The following SFRP5 variants were observed in gnomAD, a reference collection of about 807,000 sequenced individuals.
The protein encoded by SFRP5 is secreted frizzled related protein 5.
In SFRP5, 22 loss-of-function variants were observed where a neutral mutation model predicts 27.0. That is an observed-to-expected ratio of 0.82 (90% CI 0.58 to 1.17). The LOEUF (loss-of-function observed/expected upper bound fraction) is 1.17, where lower values mean the gene tolerates loss of function less well. Among genes scored for constraint, SFRP5 ranks in the 50% most tolerant of loss-of-function variants. The pLI is 0.00. For synonymous variants in SFRP5, 171 were observed against 195.0 expected (o/e 0.88, Z 1.03); for missense variants, 406 against 436.6 (o/e 0.93, Z 0.63).
rs1196977982 is a variant in SFRP5, at chr10:97,771,539, G to T, written c.295C>A (p.Arg99Ser). 1 of 1,611,032 alleles carries T rather than the reference G, an allele frequency of 6.2e-7. No homozygotes were observed. The highest frequency in any genetic ancestry group is 1.7e-5 in the Admixed American group (1 of 59,926). ...ASSWLPLLAK[R>S]CHSDTQVFLC... The stretch of plus-strand genomic sequence containing the variant: ...AAGACCTGCGTATCCGAGTGGCAGC[G>T]CTTGGCCAGCAGCGGCAGCCAGCTG... Residue 99 changes from arginine (R) to serine (S), a missense_variant, in exon 1 of 3, where the codon CGC becomes AGC. By Grantham distance (110) the Arg-to-Ser change is moderately radical (BLOSUM62 -1). Transcript: ENST00000266066. This position sits in a 1 kb window ranked among gnomAD's most constrained non-coding sequence, Gnocchi z 5.2.
chr10:97,769,819 G>T lies in SFRP5; in HGVS notation c.530-74C>A, dbSNP rs2049505525. The T allele has an allele frequency of 3.9e-6, 4 of 1,016,690 alleles. No individual in the cohort carries two copies. In the African/African-American group the frequency reaches 6.3e-5, roughly 16 times the overall value. 63.0% of individuals were successfully genotyped at this position (1,016,690 alleles called of 1,614,324 possible). On this transcript the variant is annotated intron_variant, in intron 1 of 2. Transcript: ENST00000266066. ...TGGAGTTCCAAGAGCCACTTGGGGT[G>T]CAGGCTTCCTCACTGACCAGCCACT...
At position 97,771,292 on chromosome 10, in the gene SFRP5, G is replaced by A; in HGVS notation, c.529+13C>T. On this transcript the variant is annotated intron_variant, in intron 1 of 2. Coordinates refer to ENST00000266066, the MANE Select transcript of SFRP5 (RefSeq NM_003015.3). The surrounding 1 kb of genome is among the most constrained non-coding windows in gnomAD (Gnocchi z 5.2). ...GCCGTCGGAGCGCGCGGGGACGGCG[G>A]CGGCGGCGCTACCTGGAGGCGCGGT... 1 of 1,523,976 alleles carries A rather than the reference G, an allele frequency of 6.6e-7. No individual in the cohort carries two copies. The highest frequency in any genetic ancestry group is 8.8e-7 in the Non-Finnish European group (1 of 1,136,338). 94.4% of individuals were successfully genotyped at this position (1,523,976 alleles called of 1,614,324 possible).
Position 97,771,188 on chromosome 10 carries a change from G to T in SFRP5, c.529+117C>A. On this transcript the variant is annotated intron_variant, in intron 1 of 2. Coordinates refer to ENST00000266066, the MANE Select transcript of SFRP5 (RefSeq NM_003015.3). This position sits in a 1 kb window ranked among gnomAD's most constrained non-coding sequence, Gnocchi z 5.2. ...GGACGCTGGGCTGAGCTAGGACAGC[G>T]TGTGTGTGTGTGTGTGGGCGGAGGG... is the stretch of plus-strand genomic sequence containing the variant. The T allele has an allele frequency of 3.4e-6, 1 of 291,134 alleles. No homozygotes were observed. Among genetic ancestry groups the T allele is most frequent in the South Asian group, 5.5e-5 (1 of 18,210 alleles). 18.0% of individuals were successfully genotyped at this position (291,134 alleles called of 1,614,324 possible). A position where few individuals can be genotyped will look rare whatever the true frequency, so the allele number is the denominator to read the frequency against.
chr10:97,769,007 C>T (rs1404830539), intron 2 of SFRP5, among the ~76,000 whole-genome samples: 3 of 152,234 alleles, frequency 2.0e-5, no homozygotes, highest in Non-Finnish European at 4.4e-5. Flanking sequence ...AGGCTACCAA[C>T]ATAAAAGACT....
chr10:97,768,086 G>A (rs1253197282), intron 2 of SFRP5, among the ~76,000 whole-genome samples: 2 of 152,104 alleles, frequency 1.3e-5, no homozygotes, highest in African/African-American at 4.8e-5. Flanking sequence ...CAGAAGAGGG[G>A]AATTGAGGGG....
At position 97,771,910 on chromosome 10, in the gene SFRP5, G is replaced by A. The variant is rs1007339664; in HGVS notation, c.-77C>T. The A allele has an allele frequency of 1.0e-6, 1 of 965,174 alleles. No individual in the cohort carries two copies. 59.8% of individuals were successfully genotyped at this position (965,174 alleles called of 1,614,324 possible). On this transcript the variant is annotated 5_prime_UTR_variant, in exon 1 of 3. Coordinates refer to ENST00000266066, the MANE Select transcript of SFRP5 (RefSeq NM_003015.3). The surrounding 1 kb of genome is among the most constrained non-coding windows in gnomAD (Gnocchi z 5.2). ...CGGCGGCCCAGGTGTTCCGGCGTGC[G>A]CCCCCGGCCCTGACTCTACCCAGCC...
At chr10:97,770,988 T>C (rs1377564312) in intron 1 of SFRP5, among the ~76,000 whole-genome samples, 2 of 151,522 alleles carry the variant, frequency 1.3e-5, no homozygotes, top group East Asian at 2.0e-4. Flanking sequence ...CGTCCCAGGA[T>C]TGGGGGGACG....
In SFRP5 at chr10:97,769,146, G is replaced by A. The variant is rs191757273; in HGVS notation, c.607+522C>T. On this transcript the variant is annotated intron_variant, in intron 2 of 2. Coordinates refer to ENST00000266066, the MANE Select transcript of SFRP5 (RefSeq NM_003015.3). ...GACTGCGTGGCCCATGTGTGAGCCA[G>A]GTCCTGACCGGACTTGGCTGGATTG... Among the ~76,000 whole-genome samples, 111 of 152,336 alleles carry A rather than the reference G, an allele frequency of 7.3e-4. 1 individual carries two copies. Among genetic ancestry groups the A allele is most frequent in the Admixed American group, 3.4e-3 (52 of 15,302 alleles).
At chr10:97,768,656 A>G (rs1199252210) in intron 2 of SFRP5, among the ~76,000 whole-genome samples, 2 of 151,960 alleles carry the variant, frequency 1.3e-5, no homozygotes, top group East Asian at 1.9e-4. Context: ...GTGTGGCTGG[A>G]GGCACTGAGA....
In SFRP5 at chr10:97,771,032, G is replaced by T. The variant is rs1189181850; in HGVS notation, c.529+273C>A. Among the ~76,000 whole-genome samples the T allele has an allele frequency of 6.6e-6, 1 of 152,110 alleles. No individual in the cohort carries two copies. Among genetic ancestry groups the T allele is most frequent in the Non-Finnish European group, 1.5e-5 (1 of 68,018 alleles). On this transcript the variant is annotated intron_variant, in intron 1 of 2. Coordinates refer to ENST00000266066, the MANE Select transcript of SFRP5 (RefSeq NM_003015.3). This position sits in a 1 kb window ranked among gnomAD's most constrained non-coding sequence, Gnocchi z 5.2. ...GGATTCTCAGCAGCTTGGTTGGATG[G>T]GTACTGAGAGGGGTGCCAGGGGTTT...
chr10:97,768,512 C>T (rs899258517), intron 2 of SFRP5, among the ~76,000 whole-genome samples: 2 of 152,126 alleles, frequency 1.3e-5, no homozygotes, highest in Non-Finnish European at 2.9e-5. Context: ...GGGTGTGGAG[C>T]TGGGAATAGA....
Position 97,771,695 on chromosome 10 carries a change from A to G in SFRP5, c.139T>C (p.Tyr47His), listed in dbSNP as rs773478832. 3.0e-5 allele frequency: 48 copies of G among 1,598,924 alleles called. No homozygotes were observed. The highest frequency in any genetic ancestry group is 4.0e-5 in the Non-Finnish European group (47 of 1,179,442). ...WQAEPLHGRS[Y>H]SKPPQCLDIP... Reference sequence around the variant, plus strand: ...TCAAGGCACTGCGGCGGCTTGGAGTAGGAGCGGCCGTGCAGCGGCTCGGCC... The same window carrying G: ...TCAAGGCACTGCGGCGGCTTGGAGTGGGAGCGGCCGTGCAGCGGCTCGGCC... The change falls in exon 1 of 3, where the codon TAC becomes CAC. Residue 47 changes from tyrosine (Y) to histidine (H), a missense_variant. By Grantham distance (83) the Tyr-to-His change is moderately conservative. Coordinates refer to ENST00000266066, the MANE Select transcript of SFRP5 (RefSeq NM_003015.3). This position sits in a 1 kb window ranked among gnomAD's most constrained non-coding sequence, Gnocchi z 5.2.
At position 97,771,325 on chromosome 10, in the gene SFRP5, A is replaced by AGG. The variant is rs1298710192; in HGVS notation, c.507_508dup (p.Leu170ProfsTer9). ...GCTACCTGGAGGCGCGGTGGCGGGC[A>AGG]GGTGCCCGAACTGCACGGCGATGCA... is the stretch of plus-strand genomic sequence containing the variant. On this transcript the variant is annotated frameshift_variant, in exon 1 of 3. Transcript: ENST00000266066. LOFTEE classifies it high-confidence loss of function. The surrounding 1 kb of genome is among the most constrained non-coding windows in gnomAD (Gnocchi z 5.2). The AGG allele has an allele frequency of 6.3e-7, 1 of 1,580,200 alleles. No individual in the cohort carries two copies. The highest frequency in any genetic ancestry group is 8.6e-7 in the Non-Finnish European group (1 of 1,164,802).
At position 97,771,137 on chromosome 10, in the gene SFRP5, G is replaced by A. The variant is rs368948285; in HGVS notation, c.529+168C>T. On this transcript the variant is annotated intron_variant, in intron 1 of 2. Coordinates refer to ENST00000266066, the MANE Select transcript of SFRP5 (RefSeq NM_003015.3). This position sits in a 1 kb window ranked among gnomAD's most constrained non-coding sequence, Gnocchi z 5.2. ...CCACTCCCTGGGGAGGTGGGAAGGC[G>A]GGAAGGCTGCGGGGGATAATTCCGG... 1.3e-5 allele frequency among the ~76,000 whole-genome samples: 2 copies of A among 151,906 alleles called. No homozygotes were observed. Among genetic ancestry groups the A allele is most frequent in the African/African-American group, 4.8e-5 (2 of 41,328 alleles).
chr10:97,771,948 G>T lies in SFRP5; in HGVS notation c.-115C>A. ...ACTCTACCCAGCCGCCGCCGCCGCC[G>T]CCGCGGAGGTCGCCCAGGTGGGTGG... is the stretch of plus-strand genomic sequence containing the variant. On this transcript the variant is annotated 5_prime_UTR_variant, in exon 1 of 3. Transcript: ENST00000266066. The surrounding 1 kb of genome is among the most constrained non-coding windows in gnomAD (Gnocchi z 5.2). 1.3e-6 allele frequency: 1 copy of T among 775,658 alleles called. No homozygotes were observed. The highest frequency in any genetic ancestry group is 1.6e-6 in the Non-Finnish European group (1 of 636,220). 48.0% of individuals were successfully genotyped at this position (775,658 alleles called of 1,614,324 possible).
Position 97,771,422 on chromosome 10 carries a change from G to A in SFRP5, c.412C>T (p.Leu138Phe), listed in dbSNP as rs2136473699. ...CAGGGGAAGCCGTAGGCCTCCATGA[G>A]CGGCGCGCAGCCGGCGCGCACGGCC... ...CEAVRAGCAPLMEAYGFPWPE... is the reference protein window; with the variant it reads ...CEAVRAGCAPFMEAYGFPWPE... Residue 138 changes from leucine (L) to phenylalanine (F), a missense_variant, in exon 1 of 3, where the codon CTC becomes TTC. Physicochemically the swap from Leu to Phe is conservative, Grantham distance 22 (BLOSUM62 0). Coordinates refer to ENST00000266066, the MANE Select transcript of SFRP5 (RefSeq NM_003015.3). This position sits in a 1 kb window ranked among gnomAD's most constrained non-coding sequence, Gnocchi z 5.2. The A allele has an allele frequency of 6.2e-7, 1 of 1,613,026 alleles. No homozygotes were observed. The highest frequency in any genetic ancestry group is 1.6e-4 in the Middle Eastern group (1 of 6,062).
Position 97,771,843 on chromosome 10 carries a change from C to T in SFRP5, c.-10G>A. 9.0e-7 allele frequency: 1 copy of T among 1,111,414 alleles called. No homozygotes were observed. Among genetic ancestry groups the T allele is most frequent in the Middle Eastern group, 3.9e-4 (1 of 2,562 alleles). 68.8% of individuals were successfully genotyped at this position (1,111,414 alleles called of 1,614,324 possible). On this transcript the variant is annotated 5_prime_UTR_variant, in exon 1 of 3. Coordinates refer to ENST00000266066, the MANE Select transcript of SFRP5 (RefSeq NM_003015.3). The surrounding 1 kb of genome is among the most constrained non-coding windows in gnomAD (Gnocchi z 5.2). ...CCGCCGCCGCCCGCATGGCTGCGCC[C>T]TCTCCAGGTGCGCGCCGCGCAGCCC...
At chr10:97,770,825 C>T (rs2049510779) in intron 1 of SFRP5, among the ~76,000 whole-genome samples, 1 of 152,210 alleles carries the variant, frequency 6.6e-6, no homozygotes, top group Admixed American at 6.5e-5. Context: ...AGTCTTTCTC[C>T]ACATCCCTTC....
rs2049513169 is a variant in SFRP5 at position 97,771,193 on chromosome 10, T to G, written c.529+112A>C. 4 of 600,948 alleles carry G rather than the reference T, an allele frequency of 6.7e-6. No individual in the cohort carries two copies. The highest frequency in any genetic ancestry group is 1.1e-5 in the Non-Finnish European group (4 of 352,546). 37.2% of individuals were successfully genotyped at this position (600,948 alleles called of 1,614,324 possible). Reference sequence around the variant, plus strand: ...CTGGGCTGAGCTAGGACAGCGTGTGTGTGTGTGTGTGGGCGGAGGGGGGGA... The same window carrying G: ...CTGGGCTGAGCTAGGACAGCGTGTGGGTGTGTGTGTGGGCGGAGGGGGGGA... On this transcript the variant is annotated intron_variant, in intron 1 of 2. Coordinates refer to ENST00000266066, the MANE Select transcript of SFRP5 (RefSeq NM_003015.3). The surrounding 1 kb of genome is among the most constrained non-coding windows in gnomAD (Gnocchi z 5.2).
Sources: gnomAD v4.1 joint callset for allele counts (sites outside exome capture counted in the v4.1 genomes callset) on GRCh38, gnomAD v4.1.1 for gene constraint, Gnocchi (gnomAD v3.1) non-coding constraint, MANE v1.5 for transcripts, NCBI Gene and HGNC (gene_info 2026-07-23, HGNC 2026-07-21) for gene names.